Variants in NCAPD2 observed in about 807,000 individuals in gnomAD.
The protein encoded by NCAPD2 is condensin complex subunit 1.
NCAPD2 carries 100 observed loss-of-function variants against 164.5 expected under a neutral mutation model. The observed-to-expected ratio is 0.61, with a 90% CI of 0.52 to 0.72. The LOEUF is 0.72. NCAPD2 is among the 30% of genes least tolerant of loss of function. The pLI, the probability that NCAPD2 is intolerant of heterozygous loss-of-function variation, is 0.00. For synonymous variants in NCAPD2, 585 were observed against 642.6 expected, an observed-to-expected ratio of 0.91 and a Z score of 1.36; for missense variants, 1,560 against 1,749.2, an observed-to-expected ratio of 0.89 and a Z score of 1.93.
chr12:6,496,250 G>A (rs868540817), intron 2 of NCAPD2, among the ~76,000 whole-genome samples: 19 of 151,706 alleles, frequency 1.3e-4, no homozygotes, highest in African/African-American at 4.6e-4. Context: ...AGTAGAGACG[G>A]GATTTCACCA....
chr12:6,526,845 C>T (rs1946322212), intron 21 of NCAPD2, 46 bp from the exon 22 acceptor site: 2 of 1,566,160 alleles, frequency 1.3e-6, no homozygotes, highest in African/African-American at 1.4e-5. Flanking sequence ...TTTGATGGGA[C>T]TTAAAAATGT....
At position 6,523,022 on chromosome 12, in the gene NCAPD2, C is replaced by G. The variant is rs755669106; in HGVS notation, c.2129+20C>G. 5.4e-5 allele frequency: 87 copies of G among 1,611,818 alleles called. No individual in the cohort carries two copies. The highest frequency in any genetic ancestry group is 6.9e-5 in the Non-Finnish European group (81 of 1,179,082). On this transcript the variant is annotated intron_variant, in intron 16 of 31. Coordinates refer to ENST00000315579, the MANE Select transcript of NCAPD2 (RefSeq NM_014865.4). ...TGCCAGGTATATGGGGTGCTTTTGC[C>G]TTTGCTGACTTTTCCAAGGTCAGCT... is the stretch of plus-strand genomic sequence containing the variant.
At chr12:6,496,683 C>G (rs1466406532) in intron 2 of NCAPD2, among the ~76,000 whole-genome samples, 1 of 151,736 alleles carries the variant, frequency 6.6e-6, no homozygotes, top group Non-Finnish European at 1.5e-5. Context: ...CCTCAGCCTC[C>G]CAAAGTGCTG....
intron 2 of NCAPD2, among the ~76,000 whole-genome samples, chr12:6,505,152 G>T (rs1047127039): frequency 6.6e-6 from 1 of 152,132 alleles, no homozygotes; most frequent in African/African-American, 2.4e-5. Flanking sequence ...TGGAACCTCC[G>T]CCTCCCCGGG....
intron 2 of NCAPD2, among the ~76,000 whole-genome samples, chr12:6,504,206 T>TAC (rs1345172579): frequency 2.5e-3 from 64 of 25,200 alleles, no homozygotes; most frequent in African/African-American, 0.021. Context: ...TATATATATA[T>TAC]ATATATATAT....
chr12:6,499,890 G>A (rs1331009566), intron 2 of NCAPD2, among the ~76,000 whole-genome samples: 1 of 151,966 alleles, frequency 6.6e-6, no homozygotes, highest in Non-Finnish European at 1.5e-5. Context: ...GGAAGCCAAG[G>A]TGGTTGGATT....
At position 6,530,800 on chromosome 12, in the gene NCAPD2, C is replaced by A. The variant is rs772906249; in HGVS notation, c.3947C>A (p.Ala1316Asp). 3 of 1,614,058 alleles carry A rather than the reference C, an allele frequency of 1.9e-6. No homozygotes were observed. Among genetic ancestry groups the A allele is most frequent in the Non-Finnish European group, 2.5e-6 (3 of 1,180,044 alleles). The change falls in exon 30 of 32, where the codon GCC (alanine) becomes GAC (aspartate). Residue 1316 changes from alanine (A) to aspartate (D), a missense_variant. By Grantham distance (126) the Ala-to-Asp change is moderately radical. Transcript: ENST00000315579. ...GCAGGTAGCCAGAGAGCGCCATCAG[C>A]CAAGAAACCATCCACTGGTACGTAA... is the stretch of plus-strand genomic sequence containing the variant. ...GQAGSQRAPSAKKPSTGSRYQ... is the reference protein window; with the variant it reads ...GQAGSQRAPSDKKPSTGSRYQ...
At position 6,530,718 on chromosome 12, in the gene NCAPD2, C is replaced by G; in HGVS notation, c.3865C>G (p.Leu1289Val). ...KAIIDEFEQK[L>V]RACHTRGLDG... ...TATAATAGATGAATTTGAGCAGAAG[C>G]TTCGGGCCTGTCATACCAGAGGTTT... The change falls in exon 30 of 32, where the codon CTT (leucine) becomes GTT (valine). Residue 1289 changes from leucine (L) to valine (V), a missense_variant. Physicochemically the swap from Leu to Val is conservative, Grantham distance 32 (BLOSUM62 1). Coordinates refer to ENST00000315579, the MANE Select transcript of NCAPD2 (RefSeq NM_014865.4). 6.2e-7 allele frequency: 1 copy of G among 1,614,152 alleles called. No homozygotes were observed. The highest frequency in any genetic ancestry group is 8.5e-7 in the Non-Finnish European group (1 of 1,180,042).
Position 6,528,494 on chromosome 12 carries a change from A to ACT in NCAPD2, c.3299+167_3299+168dup, listed in dbSNP as rs1229606770. On this transcript the variant is annotated intron_variant, in intron 25 of 31. Coordinates refer to ENST00000315579, the MANE Select transcript of NCAPD2 (RefSeq NM_014865.4). This position sits in a 1 kb window ranked among gnomAD's most constrained non-coding sequence, Gnocchi z 5.1. The stretch of plus-strand genomic sequence containing the variant: ...CCTGGCTAAGAGTCACCCCAGTGGG[A>ACT]CTGACACTTCTGGTTAGAAGCTTCA... The ACT allele has an allele frequency of 8.8e-7, 1 of 1,138,122 alleles. No homozygotes were observed. 70.5% of individuals were successfully genotyped at this position (1,138,122 alleles called of 1,614,324 possible).
intron 2 of NCAPD2, among the ~76,000 whole-genome samples, chr12:6,504,239 A>ATG (rs1946078160): frequency 1.1e-5 from 1 of 86,958 alleles, no homozygotes; most frequent in African/African-American, 4.3e-5. Context: ...ATATATATAT[A>ATG]TATACCATTG....
intron 2 of NCAPD2, 83 bp downstream of exon 2, chr12:6,495,308 A>T: frequency 6.5e-7 from 1 of 1,527,780 alleles, no homozygotes; most frequent in East Asian, 2.3e-5. Flanking sequence ...TTTCTGTTCC[A>T]CTACACCAGG....
chr12:6,525,740 A>G (rs761461954), intron 18 of NCAPD2, 24 bp downstream of exon 18: 19 of 1,610,222 alleles, frequency 1.2e-5, no homozygotes, highest in South Asian at 8.8e-5. Context: ...CTAGCAGGCA[A>G]TGGGGTGGGA....
Position 6,495,141 on chromosome 12 carries a change from G to C in NCAPD2, c.43G>C (p.Glu15Gln). The C allele has an allele frequency of 1.2e-6, 2 of 1,614,162 alleles. No individual in the cohort carries two copies. Among genetic ancestry groups the C allele is most frequent in the Non-Finnish European group, 1.7e-6 (2 of 1,180,024 alleles). ...MYEFHLPLSP[E>Q]ELLKSGGVNQ... ...TGAGTTCCATCTGCCATTATCCCCA[G>C]AGGAGTTGTTGAAAAGTGGAGGGGT... The change falls in exon 2 of 32, where the codon GAG becomes CAG. Residue 15 changes from glutamate to glutamine, a missense_variant. Coordinates refer to ENST00000315579, the MANE Select transcript of NCAPD2 (RefSeq NM_014865.4).
Position 6,530,966 on chromosome 12 carries a change from T to G in NCAPD2, c.4010T>G (p.Phe1337Cys). Residue 1337 changes from phenylalanine (F) to cysteine (C), a missense_variant, in exon 31 of 32, where the codon TTT becomes TGT. Physicochemically the swap from Phe to Cys is radical, Grantham distance 205 (BLOSUM62 -2). Coordinates refer to ENST00000315579, the MANE Select transcript of NCAPD2 (RefSeq NM_014865.4). Reference protein sequence around the residue: ...PLASTASDNDFVTPEPRRTTR... With the variant: ...PLASTASDNDCVTPEPRRTTR... ...GCTTCTACAGCCTCAGACAATGACT[T>G]TGTCACACCAGAGCCCCGCCGTACT... The G allele has an allele frequency of 1.9e-6, 3 of 1,614,122 alleles. No homozygotes were observed. Among genetic ancestry groups the G allele is most frequent in the Non-Finnish European group, 2.5e-6 (3 of 1,180,018 alleles).
At chr12:6,511,031 G>A in intron 5 of NCAPD2, 79 bp from the exon 6 acceptor site, 5 of 1,488,006 alleles carry the variant, frequency 3.4e-6, no homozygotes, top group Non-Finnish European at 4.6e-6. Flanking sequence ...GTACTAGATT[G>A]TTTGGGCACT....
At chr12:6,517,747 A>G (rs1565543863) in intron 12 of NCAPD2, 32 bp from the exon 13 acceptor site, 1 of 1,614,062 alleles carries the variant, frequency 6.2e-7, no homozygotes, top group South Asian at 1.1e-5. Context: ...CAGAAACTCT[A>G]GTGAAAGAGA....
chr12:6,506,893 A>T (rs902513329), intron 2 of NCAPD2, among the ~76,000 whole-genome samples: 1 of 152,196 alleles, frequency 6.6e-6, no homozygotes, highest in Non-Finnish European at 1.5e-5. Flanking sequence ...AAAAATTAGC[A>T]TATTAGTGGA....
chr12:6,526,134 T>C lies in NCAPD2; in HGVS notation c.2415T>C (p.Phe805=). The part of the protein sequence containing the change: ...TLVSIGLDEK[F]PQDYRLAQQV... ...TGAGCATAGGGCTGGATGAGAAGTT[T>C]CCACAGGACTACAGGCTGGCCCAGC... The change falls in exon 19 of 32, where the codon TTT becomes TTC. Residue 805 remains phenylalanine (F), a synonymous_variant. Transcript: ENST00000315579. The C allele has an allele frequency of 6.2e-7, 1 of 1,614,102 alleles. No homozygotes were observed. The highest frequency in any genetic ancestry group is 8.5e-7 in the Non-Finnish European group (1 of 1,180,026).
At chr12:6,518,508 T>TTTTTTTTTTTTGTTTG (rs1946228978) in intron 13 of NCAPD2, among the ~76,000 whole-genome samples, 11 of 91,140 alleles carry the variant, frequency 1.2e-4, no homozygotes, top group African/African-American at 5.5e-4. Flanking sequence ...CAACAAGTTT[T>TTTTTTTTTTTTGTTTG]TTTTTTTTTT....
Sources: gnomAD v4.1 joint callset for allele counts (sites outside exome capture counted in the v4.1 genomes callset) on GRCh38, gnomAD v4.1.1 for gene constraint, Gnocchi (gnomAD v3.1) non-coding constraint, MANE v1.5 for transcripts, NCBI Gene and HGNC (gene_info 2026-07-23, HGNC 2026-07-21) for gene names.